NCF4: variants seen among roughly 807,000 people sequenced by gnomAD.
NCF4 encodes the protein neutrophil cytosolic factor 4.
In NCF4, 30 loss-of-function variants were observed where a neutral mutation model predicts 41.7. That is an observed-to-expected ratio of 0.72 (90% CI 0.54 to 0.97). NCF4 has a LOEUF of 0.97. Ranked by LOEUF, NCF4 falls within the 50% of genes least tolerant of loss-of-function variation. NCF4 has a pLI of 0.00. For missense variants in NCF4, 432 were observed against 460.9 expected (o/e 0.94, Z 0.57); for synonymous variants, 195 against 175.8 (o/e 1.11, Z -0.87).
At chr22:36,861,276 C>A (rs773088620) in intron 1 of NCF4, 73 bp downstream of exon 1, 2 of 1,493,568 alleles carry the variant, frequency 1.3e-6, no homozygotes, top group African/African-American at 2.8e-5. Context: ...AAGGCCAGTC[C>A]TTCTGCAGTC....
At chr22:36,862,072 G>T (rs1294076930) in intron 1 of NCF4, among the ~76,000 whole-genome samples, 2 of 152,188 alleles carry the variant, frequency 1.3e-5, no homozygotes, top group Admixed American at 1.3e-4. Context: ...CGCTTGGGAA[G>T]CATTTTCAGA....
chr22:36,862,225 G>A (rs34661090), intron 1 of NCF4, among the ~76,000 whole-genome samples: 4,540 of 152,326 alleles, frequency 0.03, 238 homozygotes, highest in African/African-American at 0.1. Flanking sequence ...CCAGAGACAG[G>A]CCAGGCTGGT....
intron 7 of NCF4, among the ~76,000 whole-genome samples, chr22:36,874,820 G>A (rs1003806698): frequency 7.2e-5 from 11 of 152,220 alleles, no homozygotes; most frequent in African/African-American, 2.7e-4. Flanking sequence ...TAGAGGCACA[G>A]TTGTATCTGA....
intron 1 of NCF4, among the ~76,000 whole-genome samples, chr22:36,861,501 G>C (rs1477910736): frequency 1.3e-5 from 2 of 152,306 alleles, no homozygotes; most frequent in East Asian, 3.9e-4. Flanking sequence ...TGGGTCCCAG[G>C]CTGGGGCCCT....
intron 4 of NCF4, among the ~76,000 whole-genome samples, chr22:36,868,788 A>G (rs17811059): frequency 0.08 from 12,118 of 152,154 alleles, 507 homozygotes; most frequent in Middle Eastern, 0.16. Context: ...TTTGTGTCCA[A>G]TTGGGTTCCT....
chr22:36,870,120 A>C, intron 4 of NCF4: 1 of 449,096 alleles, frequency 2.2e-6, no homozygotes, highest in Non-Finnish European at 4.1e-6. Context: ...GGGTCATGTT[A>C]GTTGTCATCA....
In NCF4 at chr22:36,877,954, T is replaced by G. The variant is rs919165985; in HGVS notation, c.*131T>G. 2 of 857,818 alleles carry G rather than the reference T, an allele frequency of 2.3e-6. No homozygotes were observed. Among genetic ancestry groups the G allele is most frequent in the Non-Finnish European group, 3.6e-6 (2 of 554,960 alleles). The allele number at this position is 857,818 out of a possible 1,614,324, so 53.1% of individuals were successfully genotyped here. A position where few individuals can be genotyped will look rare whatever the true frequency, so the allele number is the denominator to read the frequency against. Reference sequence around the variant, plus strand: ...TTGAGGCTAATGGACCCGTGGGGCTTGTAATCTGTCTCTTTCTACTATTTA... The same window carrying G: ...TTGAGGCTAATGGACCCGTGGGGCTGGTAATCTGTCTCTTTCTACTATTTA... On this transcript the variant is annotated 3_prime_UTR_variant, in exon 10 of 10. Coordinates refer to ENST00000248899, the MANE Select transcript of NCF4 (RefSeq NM_000631.5).
chr22:36,876,224 C>A, intron 9 of NCF4, 130 bp downstream of exon 9: 1 of 952,018 alleles, frequency 1.1e-6, no homozygotes, highest in Non-Finnish European at 1.5e-6. Flanking sequence ...ATCCGCAGCC[C>A]AGCCCTGCAG....
At chr22:36,875,362 C>T (rs1940169147) in intron 7 of NCF4, among the ~76,000 whole-genome samples, 1 of 152,152 alleles carries the variant, frequency 6.6e-6, no homozygotes, top group Non-Finnish European at 1.5e-5. Context: ...GAGCCCAGAG[C>T]CTGTCACGTG....
chr22:36,870,291 CAGGCATCATGCATTAGTAAAGAGAGG>C, intron 4 of NCF4, 98 bp from the exon 5 acceptor site: 1 of 1,337,338 alleles, frequency 7.5e-7, no homozygotes, highest in Non-Finnish European at 1.1e-6. Flanking sequence ...TTTCTGTTAT[CAGGCATCATGCATTAGTAAAGAGAGG>C]AGGGCTGATG....
chr22:36,871,912 C>T (rs115425613), intron 6 of NCF4, among the ~76,000 whole-genome samples: 8 of 152,234 alleles, frequency 5.3e-5, no homozygotes, highest in African/African-American at 1.7e-4. Context: ...ATGTGACCAG[C>T]GTGCGGAGCC....
chr22:36,868,676 G>A (rs1203044211), intron 4 of NCF4, among the ~76,000 whole-genome samples: 1 of 152,042 alleles, frequency 6.6e-6, no homozygotes, highest in East Asian at 1.9e-4. Context: ...AGGGAGGGAG[G>A]GAAGGAGGAA....
intron 7 of NCF4, among the ~76,000 whole-genome samples, chr22:36,874,509 G>A (rs1469705410): frequency 2.0e-5 from 3 of 152,142 alleles, no homozygotes; most frequent in Non-Finnish European, 2.9e-5. Flanking sequence ...AGGAACTCAG[G>A]GCTCTTACAG....
intron 1 of NCF4, among the ~76,000 whole-genome samples, chr22:36,862,339 G>C (rs533720652): frequency 1.3e-5 from 2 of 152,304 alleles, no homozygotes; most frequent in Admixed American, 1.3e-4. Context: ...ATGCCTACAG[G>C]GGAGTCCACG....
intron 7 of NCF4, 77 bp downstream of exon 7, chr22:36,872,502 G>A: frequency 1.6e-6 from 2 of 1,272,500 alleles, no homozygotes; most frequent in Non-Finnish European, 2.3e-6. Flanking sequence ...TAGAGGTGAG[G>A]GTGGAAGTGC....
chr22:36,872,588 T>C (rs1270992746), intron 7 of NCF4, among the ~76,000 whole-genome samples, 163 bp downstream of exon 7: 7 of 147,040 alleles, frequency 4.8e-5, no homozygotes, highest in Admixed American at 4.7e-4. Flanking sequence ...GAGGTGAGGA[T>C]GGAGGTGAGA....
At chr22:36,875,184 C>G (rs185932099) in intron 7 of NCF4, among the ~76,000 whole-genome samples, 21 of 152,212 alleles carry the variant, frequency 1.4e-4, no homozygotes, top group African/African-American at 5.1e-4. Context: ...CCCGCACCAA[C>G]ACGCTTGGCT....
intron 4 of NCF4, among the ~76,000 whole-genome samples, chr22:36,869,872 T>C (rs1940011694): frequency 6.6e-6 from 1 of 152,212 alleles, no homozygotes; most frequent in South Asian, 2.1e-4. Flanking sequence ...TAGGCTATAA[T>C]GCCACCAACT....
At position 36,871,320 on chromosome 22, in the gene NCF4, T is replaced by G. The variant is rs147014969; in HGVS notation, c.471-332T>G. Among the ~76,000 whole-genome samples, 13 of 152,318 alleles carry G rather than the reference T, an allele frequency of 8.5e-5. No homozygotes were observed. In the East Asian group the frequency reaches 2.5e-3, roughly 29 times the overall value. On this transcript the variant is annotated intron_variant, in intron 5 of 9. Transcript: ENST00000248899. ...AAAATTAGAAACAGTCACATTTACA[T>G]CAGAGCTTGGTTGTAGGGAGCAGAG...
Sources: gnomAD v4.1 joint callset for allele counts (sites outside exome capture counted in the v4.1 genomes callset) on GRCh38, gnomAD v4.1.1 for gene constraint, MANE v1.5 for transcripts, NCBI Gene and HGNC (gene_info 2026-07-23, HGNC 2026-07-21) for gene names.